The following GMDS variants were observed in gnomAD, a reference collection of about 807,000 sequenced individuals.
GMDS encodes GDP-mannose 4,6-dehydratase, also known as GDP-mannose 4,6 dehydratase.
A neutral mutation model predicts 49.9 loss-of-function variants in GMDS; 20 were observed. That is an observed-to-expected ratio of 0.40 (90% CI 0.28 to 0.58). The LOEUF (loss-of-function observed/expected upper bound fraction) is 0.58. Ranked by LOEUF, GMDS falls within the 20% of genes least tolerant of loss-of-function variation. The probability of loss-of-function intolerance (pLI) is 0.42; values close to 1 mark genes in which losing one functional copy is unlikely to be tolerated. For missense variants in GMDS, 362 were observed against 481.4 expected (o/e 0.75, Z 2.32); for synonymous variants, 177 against 178.6 (o/e 0.99, Z 0.07).
At chr6:1,956,995 G>A (rs1003470468) in intron 6 of GMDS, among the ~76,000 whole-genome samples, 42 of 151,690 alleles carry the variant, frequency 2.8e-4, no homozygotes, top group Non-Finnish European at 4.9e-4. Flanking sequence ...TAGAGACGGG[G>A]TTTCACCATG....
rs951779304 is a variant in GMDS, at chr6:1,684,814, T to C, written c.987+41602A>G. On this transcript the variant is annotated intron_variant, in intron 9 of 10. Coordinates refer to ENST00000380815, the MANE Select transcript of GMDS (RefSeq NM_001500.4). ...GGTGATTTTTATTTTAAATAAATTA[T>C]ACCTCATTAAAGCTGGGGGTTAAAC... 5.9e-5 allele frequency among the ~76,000 whole-genome samples: 9 copies of C among 152,162 alleles called. No individual in the cohort carries two copies. The East Asian group carries it at 1.5e-3, about 26-fold the overall frequency.
intron 1 of GMDS, among the ~76,000 whole-genome samples, chr6:2,197,587 C>A (rs756339011): frequency 3.0e-4 from 45 of 152,228 alleles, no homozygotes; most frequent in Non-Finnish European, 6.3e-4. Flanking sequence ...CAAGGGAGCA[C>A]TGCACTAGAG....
chr6:2,227,136 C>T (rs1780851215), intron 1 of GMDS, among the ~76,000 whole-genome samples: 1 of 151,876 alleles, frequency 6.6e-6, no homozygotes, highest in South Asian at 2.1e-4. Flanking sequence ...CAATAGTGAA[C>T]ATTATTTTTA....
chr6:1,897,881 G>A (rs115581030), intron 7 of GMDS, among the ~76,000 whole-genome samples: 2,307 of 151,508 alleles, frequency 0.015, 66 homozygotes, highest in African/African-American at 0.053. Flanking sequence ...TGATAACTGA[G>A]GTTATCTAAT....
chr6:1,982,443 A>G (rs1384939448), intron 4 of GMDS, among the ~76,000 whole-genome samples: 1 of 152,148 alleles, frequency 6.6e-6, no homozygotes. Flanking sequence ...AAATCAAACT[A>G]TCTTTGTTTG....
At chr6:1,873,792 G>A (rs1212985783) in intron 7 of GMDS, among the ~76,000 whole-genome samples, 1 of 152,146 alleles carries the variant, frequency 6.6e-6, no homozygotes, top group East Asian at 1.9e-4. Flanking sequence ...GGTGACAGCA[G>A]GAAAACACAA....
intron 1 of GMDS, among the ~76,000 whole-genome samples, chr6:2,171,420 A>C (rs770533967): frequency 1.9e-4 from 29 of 152,234 alleles, no homozygotes; most frequent in South Asian, 4.1e-4. Flanking sequence ...TCCAAGATCA[A>C]CTACCCGAAC....
intron 4 of GMDS, among the ~76,000 whole-genome samples, chr6:1,988,866 C>CAAAA (rs34424322): frequency 1.5e-5 from 2 of 136,836 alleles, no homozygotes. Context: ...AGGTGAGAAC[C>CAAAA]AAAAAAAAAA....
intron 7 of GMDS, among the ~76,000 whole-genome samples, chr6:1,769,566 G>A (rs144573215): frequency 1.3e-5 from 2 of 152,336 alleles, no homozygotes; most frequent in African/African-American, 4.8e-5. Flanking sequence ...ACTTAACGAG[G>A]CTATTAATTG....
chr6:1,786,072 C>A (rs971274345), intron 7 of GMDS, among the ~76,000 whole-genome samples: 2 of 152,194 alleles, frequency 1.3e-5, no homozygotes, highest in Admixed American at 6.5e-5. Flanking sequence ...GCTGCTTCAG[C>A]GTGATATTCC....
intron 9 of GMDS, among the ~76,000 whole-genome samples, chr6:1,651,112 C>T (rs1763640746): frequency 6.6e-6 from 1 of 152,206 alleles, no homozygotes; most frequent in Non-Finnish European, 1.5e-5. Context: ...ACCTGCCCTG[C>T]TGAGCTGCTA....
intron 1 of GMDS, among the ~76,000 whole-genome samples, chr6:2,227,310 A>C (rs912510685): frequency 6.6e-6 from 1 of 152,150 alleles, no homozygotes; most frequent in Non-Finnish European, 1.5e-5. Context: ...AATGTTTCTA[A>C]AAACAGCCAG....
chr6:2,118,164 A>G (rs1774951744), intron 2 of GMDS, among the ~76,000 whole-genome samples: 1 of 149,812 alleles, frequency 6.7e-6, no homozygotes, highest in Non-Finnish European at 1.5e-5. Flanking sequence ...GATTCTTAAA[A>G]TTGTTTTATC....
intron 7 of GMDS, among the ~76,000 whole-genome samples, chr6:1,781,366 G>A (rs963099635): frequency 6.6e-6 from 1 of 152,192 alleles, no homozygotes; most frequent in Non-Finnish European, 1.5e-5. Flanking sequence ...CCGGCTCCTG[G>A]GCTCTCGCTG....
chr6:1,903,457 T>C (rs1343020428), intron 7 of GMDS, among the ~76,000 whole-genome samples: 1 of 152,220 alleles, frequency 6.6e-6, no homozygotes, highest in Non-Finnish European at 1.5e-5. Context: ...CCAAAAGCTA[T>C]TCTCGTCTAA....
At chr6:1,993,936 C>T (rs1766115031) in intron 4 of GMDS, among the ~76,000 whole-genome samples, 1 of 152,176 alleles carries the variant, frequency 6.6e-6, no homozygotes, top group African/African-American at 2.4e-5. Context: ...TGGGGCTCTG[C>T]CCACCTCTGC....
At chr6:2,175,342 T>C (rs1478815149) in intron 1 of GMDS, among the ~76,000 whole-genome samples, 2 of 152,138 alleles carry the variant, frequency 1.3e-5, no homozygotes, top group Admixed American at 1.3e-4. Flanking sequence ...GTCTAAAGAA[T>C]AACAAAAATA....
intron 1 of GMDS, among the ~76,000 whole-genome samples, chr6:2,141,098 C>T (rs1562092384): frequency 2.0e-5 from 3 of 152,108 alleles, no homozygotes; most frequent in South Asian, 2.1e-4. Context: ...TTCAAGTAAA[C>T]GAAAGGCTAA....
chr6:2,168,217 A>T (rs1038726609), intron 1 of GMDS, among the ~76,000 whole-genome samples: 1 of 152,148 alleles, frequency 6.6e-6, no homozygotes, highest in Non-Finnish European at 1.5e-5. Context: ...TCATGCTCCA[A>T]TTCTTTCCAT....
Sources: allele counts gnomAD v4.1 joint callset (sites outside exome capture counted in the v4.1 genomes callset), GRCh38; gene constraint gnomAD v4.1.1; transcripts MANE v1.5; gene names NCBI Gene and HGNC (gene_info 2026-07-23, HGNC 2026-07-21).